The following SNTG1 variants were observed in gnomAD, a reference collection of about 807,000 sequenced individuals.
The protein encoded by SNTG1 is syntrophin gamma 1.
In SNTG1, 39 loss-of-function variants were observed where a neutral mutation model predicts 74.7. The observed-to-expected ratio is 0.52, with a 90% CI of 0.40 to 0.68. The LOEUF is 0.68. Among genes scored for constraint, SNTG1 ranks in the 30% least tolerant of loss-of-function variants. The probability of loss-of-function intolerance (pLI) is 0.00; values close to 1 mark genes in which losing one functional copy is unlikely to be tolerated. For missense variants in SNTG1, 685 were observed against 609.5 expected (o/e 1.12, Z -1.30); for synonymous variants, 254 against 217.1 (o/e 1.17, Z -1.49).
chr8:50,644,476 A>G (rs1002902494), intron 13 of SNTG1: 1 of 152,158 alleles, frequency 6.6e-6, no homozygotes, highest in African/African-American at 2.4e-5. Context: ...TTTTCTCTTC[A>G]TGATTTTCTT....
At chr8:49,953,031 G>T (rs1453967256) in intron 1 of SNTG1, among the ~76,000 whole-genome samples, 1 of 152,170 alleles carries the variant, frequency 6.6e-6, no homozygotes, top group Non-Finnish European at 1.5e-5. Context: ...CATGAGTATA[G>T]GGCTCTGAGG....
chr8:50,513,688 C>T (rs972753291), intron 9 of SNTG1, among the ~76,000 whole-genome samples: 2 of 152,228 alleles, frequency 1.3e-5, no homozygotes, highest in Non-Finnish European at 2.9e-5. Flanking sequence ...ATGAGTGAGG[C>T]TCCGTGGGCA....
At position 50,148,101 on chromosome 8, in the gene SNTG1, CGT is replaced by C. The variant is rs1018215734; in HGVS notation, c.-102-24451_-102-24450del. Among the ~76,000 whole-genome samples the C allele has an allele frequency of 4.0e-5, 6 of 151,758 alleles. No individual in the cohort carries two copies. In the East Asian group the frequency reaches 5.8e-4, roughly 15 times the overall value. ...TTGAGCAAAAATATGCGTAACATAG[CGT>C]GTGTGTGTATACATAGATATATATC... is the stretch of plus-strand genomic sequence containing the variant. On this transcript the variant is annotated intron_variant, in intron 1 of 18. Coordinates refer to ENST00000642720, the MANE Select transcript of SNTG1 (RefSeq NM_018967.5).
intron 8 of SNTG1, among the ~76,000 whole-genome samples, chr8:50,488,773 G>T (rs569968093): frequency 6.6e-6 from 1 of 151,506 alleles, no homozygotes; most frequent in South Asian, 2.1e-4. Flanking sequence ...ATAAATAAAT[G>T]TAATGTAGTC....
chr8:50,070,412 A>G (rs1821266564), intron 1 of SNTG1, among the ~76,000 whole-genome samples: 1 of 152,194 alleles, frequency 6.6e-6, no homozygotes, highest in East Asian at 1.9e-4. Context: ...AACTAAAAGC[A>G]TTTTGTTTAT....
At chr8:50,672,472 A>G (rs1011692419) in intron 15 of SNTG1, among the ~76,000 whole-genome samples, 5 of 152,152 alleles carry the variant, frequency 3.3e-5, no homozygotes, top group African/African-American at 1.2e-4. Flanking sequence ...TTTTGGCCAC[A>G]TAAAAGTCTT....
intron 2 of SNTG1, among the ~76,000 whole-genome samples, chr8:50,379,413 C>A (rs528693370): frequency 6.6e-6 from 1 of 152,094 alleles, no homozygotes. Context: ...GCAGTTGTGC[C>A]GATGGGGGGT....
At chr8:50,684,026 A>T (rs2095341829) in intron 15 of SNTG1, among the ~76,000 whole-genome samples, 1 of 152,210 alleles carries the variant, frequency 6.6e-6, no homozygotes, top group Non-Finnish European at 1.5e-5. Context: ...GATTCTACAT[A>T]CAAATTATTA....
At chr8:50,091,970 C>T (rs960893143) in intron 1 of SNTG1, among the ~76,000 whole-genome samples, 11 of 152,016 alleles carry the variant, frequency 7.2e-5, no homozygotes, top group Admixed American at 2.6e-4. Flanking sequence ...CACCTGGGAA[C>T]GCCCAGTCTA....
intron 2 of SNTG1, among the ~76,000 whole-genome samples, chr8:50,365,254 T>C (rs1375958449): frequency 6.6e-6 from 1 of 152,124 alleles, no homozygotes; most frequent in East Asian, 1.9e-4. Flanking sequence ...TGTCTTTAAT[T>C]TTTGATGGTG....
At chr8:50,450,793 C>A in intron 8 of SNTG1, 64 bp downstream of exon 8, 3 of 1,475,896 alleles carry the variant, frequency 2.0e-6, no homozygotes, top group Non-Finnish European at 1.9e-6. Flanking sequence ...TAGTGCATTG[C>A]TAAAGACTGT....
rs199786498 is a variant in SNTG1 at position 50,153,075 on chromosome 8, A to C, written c.-102-19486A>C. 3.3e-5 allele frequency among the ~76,000 whole-genome samples: 5 copies of C among 152,204 alleles called. No individual in the cohort carries two copies. The East Asian group carries it at 7.7e-4, about 24-fold the overall frequency. The stretch of plus-strand genomic sequence containing the variant: ...CGTAGATTTGGTCTTTTCACATAGT[A>C]CCATATTTCTTGGAGGCCTTGTTCG... On this transcript the variant is annotated intron_variant, in intron 1 of 18. Coordinates refer to ENST00000642720, the MANE Select transcript of SNTG1 (RefSeq NM_018967.5).
chr8:50,680,863 G>A (rs1252600315), intron 15 of SNTG1, among the ~76,000 whole-genome samples: 1 of 152,052 alleles, frequency 6.6e-6, no homozygotes. Context: ...CAGGTAAGCA[G>A]CCTTCCCATC....
chr8:50,094,719 G>A (rs187518124), intron 1 of SNTG1, among the ~76,000 whole-genome samples: 2 of 152,182 alleles, frequency 1.3e-5, no homozygotes, highest in Non-Finnish European at 1.5e-5. Flanking sequence ...CACTTATAAT[G>A]TTGGTAGGAG....
At chr8:50,362,510 G>A (rs2091987826) in intron 2 of SNTG1, among the ~76,000 whole-genome samples, 1 of 151,462 alleles carries the variant, frequency 6.6e-6, no homozygotes, top group Non-Finnish European at 1.5e-5. Flanking sequence ...TCATTATAAA[G>A]ATAGTCTTTT....
chr8:49,963,777 A>C (rs192924644), intron 1 of SNTG1, among the ~76,000 whole-genome samples: 1 of 152,350 alleles, frequency 6.6e-6, no homozygotes, highest in Admixed American at 6.5e-5. Flanking sequence ...AGTGAGTTTT[A>C]AAACTTCATG....
intron 1 of SNTG1, among the ~76,000 whole-genome samples, chr8:50,162,514 T>A (rs1181235238): frequency 2.8e-5 from 4 of 145,256 alleles, no homozygotes; most frequent in African/African-American, 1.0e-4. Context: ...GTGAGCCGAG[T>A]TCACGCCACT....
chr8:50,787,559 C>T (rs1396991122), intron 18 of SNTG1, among the ~76,000 whole-genome samples: 1 of 151,914 alleles, frequency 6.6e-6, no homozygotes, highest in African/African-American at 2.4e-5. Context: ...CACAGATGTT[C>T]ACTGCAGCAT....
chr8:50,082,653 G>C (rs1822517735), intron 1 of SNTG1, among the ~76,000 whole-genome samples: 1 of 152,148 alleles, frequency 6.6e-6, no homozygotes, highest in South Asian at 2.1e-4. Context: ...ATGTCCTGGA[G>C]AAAGTTTTTA....
Sources: allele counts gnomAD v4.1 joint callset (sites outside exome capture counted in the v4.1 genomes callset), GRCh38; gene constraint gnomAD v4.1.1; transcripts MANE v1.5; gene names NCBI Gene and HGNC (gene_info 2026-07-23, HGNC 2026-07-21).